Variants in ZMIZ1 observed in about 807,000 individuals in gnomAD.
ZMIZ1 encodes the protein zinc finger MIZ-type containing 1, also known as zinc finger MIZ domain-containing protein 1.
ZMIZ1 carries 17 observed loss-of-function variants against 113.9 expected under a neutral mutation model. The ratio of observed to expected loss-of-function variants is 0.15; its 90% CI spans 0.10 to 0.22. The LOEUF (loss-of-function observed/expected upper bound fraction) is 0.22, where lower values mean the gene tolerates loss of function less well. ZMIZ1 is among the 10% of genes least tolerant of loss of function. The pLI, the probability that ZMIZ1 is intolerant of heterozygous loss-of-function variation, is 1.00. For synonymous variants in ZMIZ1, 607 were observed against 603.1 expected, an observed-to-expected ratio of 1.01 and a Z score of -0.09; for missense variants, 1,059 against 1,477.8, an observed-to-expected ratio of 0.72 and a Z score of 4.65.
At chr10:79,177,534 G>A (rs950610413) in intron 4 of ZMIZ1, among the ~76,000 whole-genome samples, 3 of 152,196 alleles carry the variant, frequency 2.0e-5, no homozygotes, top group Non-Finnish European at 4.4e-5. Context: ...AGCACAGAGA[G>A]GCATAGGACT....
In ZMIZ1 at chr10:79,142,882, GAGC is replaced by G. The variant is rs1194863018; in HGVS notation, c.-131+3109_-131+3111del. Among the ~76,000 whole-genome samples, 4 of 152,334 alleles carry G rather than the reference GAGC, an allele frequency of 2.6e-5. No homozygotes were observed. The East Asian group carries it at 7.7e-4, about 29-fold the overall frequency. On this transcript the variant is annotated intron_variant, in intron 3 of 24. Coordinates refer to ENST00000334512, the MANE Select transcript of ZMIZ1 (RefSeq NM_020338.4). ...ATGCTGCCCATGGGGAAGAGGCACC[GAGC>G]AGCTCCCTATTGAGCACCTGAGCAT...
At chr10:79,075,245 T>A (rs914780385) in intron 1 of ZMIZ1, among the ~76,000 whole-genome samples, 1 of 152,122 alleles carries the variant, frequency 6.6e-6, no homozygotes, top group Non-Finnish European at 1.5e-5. Flanking sequence ...CATAGCCCTT[T>A]GAGATCACCC....
intron 17 of ZMIZ1, 119 bp from the exon 18 acceptor site, chr10:79,301,988 G>A: frequency 1.1e-6 from 1 of 935,548 alleles, no homozygotes; most frequent in Non-Finnish European, 1.7e-6. Context: ...GAGACACCCT[G>A]GGGGAGCCTC....
intron 7 of ZMIZ1, among the ~76,000 whole-genome samples, chr10:79,240,780 G>GA (rs781567831): frequency 3.3e-5 from 5 of 151,452 alleles, no homozygotes; most frequent in Non-Finnish European, 7.4e-5. Context: ...AGAACAGGGA[G>GA]ATGGGGTAGG....
At chr10:79,072,702 T>C (rs191428366) in intron 1 of ZMIZ1, among the ~76,000 whole-genome samples, 1 of 152,348 alleles carries the variant, frequency 6.6e-6, no homozygotes, top group Admixed American at 6.5e-5. Flanking sequence ...CTGGGTCCTC[T>C]ACATTTTCAT....
chr10:79,098,337 G>A (rs1251304703), intron 1 of ZMIZ1, among the ~76,000 whole-genome samples: 1 of 152,146 alleles, frequency 6.6e-6, no homozygotes, highest in Admixed American at 6.5e-5. Context: ...TAGTGTGGTG[G>A]TTAGCACAAG....
intron 3 of ZMIZ1, among the ~76,000 whole-genome samples, chr10:79,145,422 T>C (rs572267083): frequency 3.9e-5 from 6 of 152,286 alleles, no homozygotes; most frequent in African/African-American, 1.4e-4. Flanking sequence ...GGGTGGGGGA[T>C]TGGTGAAGAA....
chr10:79,172,714 A>AC (rs879882158), intron 4 of ZMIZ1, among the ~76,000 whole-genome samples: 1 of 152,190 alleles, frequency 6.6e-6, no homozygotes, highest in African/African-American at 2.4e-5. Context: ...CATGAGGGCC[A>AC]CCGTTGCATC....
intron 7 of ZMIZ1, among the ~76,000 whole-genome samples, chr10:79,245,631 G>C (rs949011866): frequency 2.6e-5 from 4 of 152,192 alleles, no homozygotes; most frequent in Non-Finnish European, 5.9e-5. Flanking sequence ...CCCTAGTCTG[G>C]AGTCAGGCAG....
chr10:79,081,362 G>A (rs977667629), intron 1 of ZMIZ1, among the ~76,000 whole-genome samples: 3 of 152,178 alleles, frequency 2.0e-5, no homozygotes, highest in Non-Finnish European at 4.4e-5. Flanking sequence ...TGGGCAGCTT[G>A]GAGACCTGAG....
intron 14 of ZMIZ1, 132 bp from the exon 15 acceptor site, chr10:79,298,274 T>A: frequency 9.7e-7 from 1 of 1,027,808 alleles, no homozygotes; most frequent in Non-Finnish European, 1.4e-6. Context: ...GAGAAGAGTT[T>A]CCCTGGAGGA....
At chr10:79,094,490 G>A (rs1311428226) in intron 1 of ZMIZ1, among the ~76,000 whole-genome samples, 1 of 152,238 alleles carries the variant, frequency 6.6e-6, no homozygotes, top group Non-Finnish European at 1.5e-5. Context: ...AGATTCCTTG[G>A]CCATGAAATG....
At chr10:79,084,870 G>T (rs1842760695) in intron 1 of ZMIZ1, among the ~76,000 whole-genome samples, 1 of 151,636 alleles carries the variant, frequency 6.6e-6, no homozygotes. Flanking sequence ...GGGTGGTGGG[G>T]TGGGGGTGGG....
At chr10:79,113,594 G>A (rs1843847545) in intron 1 of ZMIZ1, among the ~76,000 whole-genome samples, 1 of 152,198 alleles carries the variant, frequency 6.6e-6, no homozygotes, top group Admixed American at 6.5e-5. Flanking sequence ...TGGCAGGGTG[G>A]GTGCTGAGAC....
rs958276259 is a variant in ZMIZ1, at chr10:79,293,596, G to A, written c.1173G>A (p.Pro391=). The A allele has an allele frequency of 1.8e-5, 29 of 1,612,960 alleles. No homozygotes were observed. Among genetic ancestry groups the A allele is most frequent in the African/African-American group, 5.3e-5 (4 of 74,926 alleles). Reference sequence around the variant, plus strand: ...AGCGGATGCCCCAGCAGACCTACCCGGGCCCCCGGCCCCAGTCCCTTCCTA... The same window carrying A: ...AGCGGATGCCCCAGCAGACCTACCCAGGCCCCCGGCCCCAGTCCCTTCCTA... ...HGQRMPQQTY[P]GPRPQSLPIQ... Residue 391 remains proline, a synonymous_variant, in exon 12 of 25, where the codon CCG becomes CCA. Transcript: ENST00000334512.
At chr10:79,130,012 G>A (rs966459966) in intron 2 of ZMIZ1, among the ~76,000 whole-genome samples, 1 of 152,222 alleles carries the variant, frequency 6.6e-6, no homozygotes, top group African/African-American at 2.4e-5. Flanking sequence ...AGCAAAGCTG[G>A]GCATCCAAGC....
chr10:79,102,478 G>A (rs1292826462), intron 1 of ZMIZ1, among the ~76,000 whole-genome samples: 1 of 152,254 alleles, frequency 6.6e-6, no homozygotes, highest in African/African-American at 2.4e-5. Flanking sequence ...AAATGGGTGT[G>A]TGTGGGGGTC....
chr10:79,274,676 A>C (rs900517828), intron 7 of ZMIZ1, among the ~76,000 whole-genome samples: 2 of 152,112 alleles, frequency 1.3e-5, no homozygotes, highest in African/African-American at 4.8e-5. Context: ...GTGACTCCCC[A>C]TCCCCCCACC....
At chr10:79,131,770 G>A (rs917198360) in intron 2 of ZMIZ1, among the ~76,000 whole-genome samples, 10 of 152,188 alleles carry the variant, frequency 6.6e-5, no homozygotes, top group African/African-American at 2.4e-4. Flanking sequence ...GCCAGGGCTG[G>A]AATGTCATCG....
Sources: gnomAD v4.1 joint callset for allele counts (sites outside exome capture counted in the v4.1 genomes callset) on GRCh38, gnomAD v4.1.1 for gene constraint, MANE v1.5 for transcripts, NCBI Gene and HGNC (gene_info 2026-07-23, HGNC 2026-07-21) for gene names.